STOX2: variants seen among roughly 807,000 people sequenced by gnomAD.
STOX2 encodes storkhead-box protein 2.
A neutral mutation model predicts 60.9 loss-of-function variants in STOX2; 28 were observed. The ratio of observed to expected loss-of-function variants is 0.46; its 90% CI spans 0.34 to 0.63. The LOEUF is 0.63. STOX2 is among the 30% of genes least tolerant of loss of function. The pLI is 0.01. For synonymous variants in STOX2, 472 were observed against 463.9 expected (o/e 1.02, Z -0.22); for missense variants, 1,024 against 1,187.7 (o/e 0.86, Z 2.03).
In STOX2 at chr4:183,946,423, C is replaced by T. The variant is rs186771823; in HGVS notation, c.166+39467C>T. On this transcript the variant is annotated intron_variant, in intron 1 of 3. Coordinates refer to ENST00000308497, the MANE Select transcript of STOX2 (RefSeq NM_020225.3). ...TGTCCATGAGGAGGGGGGGTTGGGC[C>T]TATGACCCCATGGATACCAAAATCT... Among the ~76,000 whole-genome samples, 344 of 152,174 alleles carry T rather than the reference C, an allele frequency of 2.3e-3. 2 individuals carry two copies. Among genetic ancestry groups the T allele is most frequent in the Middle Eastern group, 6.8e-3 (2 of 294 alleles).
At chr4:183,981,276 T>A (rs1277442398) in intron 1 of STOX2, among the ~76,000 whole-genome samples, 21 of 152,166 alleles carry the variant, frequency 1.4e-4, no homozygotes, top group Admixed American at 1.4e-3. Context: ...ATTAGGACAA[T>A]CAGGGTTCTA....
At chr4:183,978,355 G>A (rs79052674) in intron 1 of STOX2, among the ~76,000 whole-genome samples, 1 of 152,108 alleles carries the variant, frequency 6.6e-6, no homozygotes, top group Non-Finnish European at 1.5e-5. Flanking sequence ...ATTGAATAGG[G>A]TGTCCTTTCC....
intron 1 of STOX2, among the ~76,000 whole-genome samples, chr4:183,883,938 G>C (rs542326125): frequency 8.0e-5 from 12 of 150,936 alleles, no homozygotes; most frequent in African/African-American, 2.9e-4. Context: ...TGCAACCTCC[G>C]CCTCCTGGGT....
At chr4:183,928,322 G>A (rs1279814625) in intron 1 of STOX2, among the ~76,000 whole-genome samples, 4 of 152,146 alleles carry the variant, frequency 2.6e-5, no homozygotes. Flanking sequence ...TTTCTGTGCA[G>A]AAGATAATAA....
intron 1 of STOX2, among the ~76,000 whole-genome samples, chr4:183,844,797 T>A (rs935601809): frequency 6.6e-6 from 1 of 152,206 alleles, no homozygotes; most frequent in African/African-American, 2.4e-5. Flanking sequence ...TACAAAAGTG[T>A]ATTGAGCACC....
At chr4:183,973,800 C>T (rs1732314305) in intron 1 of STOX2, among the ~76,000 whole-genome samples, 1 of 152,202 alleles carries the variant, frequency 6.6e-6, no homozygotes, top group Non-Finnish European at 1.5e-5. Flanking sequence ...TCGAGACCAT[C>T]CTGGCTAACA....
Position 183,851,708 on chromosome 4 carries a change from GGAAAGGATGAGA to G in STOX2, c.364+53665_364+53676del, listed in dbSNP as rs1740144158. ...GGGAAAGGATGAGAGAAACGATGAG[GGAAAGGATGAGA>G]GAAAGGATGAGGGAAAGGATGAGGG... On this transcript the variant is annotated intron_variant, in intron 1 of 2. Transcript: ENST00000513034. Among the ~76,000 whole-genome samples the G allele has an allele frequency of 2.5e-4, 29 of 117,706 alleles. 1 individual carries two copies. Among genetic ancestry groups the G allele is most frequent in the African/African-American group, 7.3e-4 (20 of 27,450 alleles). The allele number at this position is 117,706 out of a possible 152,430, so 77.2% of individuals were successfully genotyped here.
At position 184,011,785 on chromosome 4, in the gene STOX2, A is replaced by G. The variant is rs757281295; in HGVS notation, c.2585+362A>G. 4.6e-6 allele frequency: 2 copies of G among 432,678 alleles called. No individual in the cohort carries two copies. Among genetic ancestry groups the G allele is most frequent in the Non-Finnish European group, 7.9e-6 (2 of 253,900 alleles). The allele number at this position is 432,678 out of a possible 1,614,324, so 26.8% of individuals were successfully genotyped here. On this transcript the variant is annotated intron_variant, in intron 3 of 3. Coordinates refer to ENST00000308497, the MANE Select transcript of STOX2 (RefSeq NM_020225.3). This position sits in a 1 kb window ranked among gnomAD's most constrained non-coding sequence, Gnocchi z 4.4. ...CAAAAATAGTAACTTTTTGAGTAGA[A>G]TAAATAGTCTGGGGGCGGGGGAGGA...
intron 1 of STOX2, among the ~76,000 whole-genome samples, chr4:183,986,705 C>G (rs1732857018): frequency 6.6e-6 from 1 of 152,166 alleles, no homozygotes; most frequent in African/African-American, 2.4e-5. Flanking sequence ...TGTAGCCTCC[C>G]GAGGACAGAA....
chr4:184,009,610 G>A lies in STOX2; in HGVS notation c.772G>A (p.Asp258Asn), dbSNP rs1560940254. The A allele has an allele frequency of 6.2e-7, 1 of 1,613,938 alleles. No individual in the cohort carries two copies. Among genetic ancestry groups the A allele is most frequent in the Admixed American group, 1.7e-5 (1 of 60,016 alleles). The change falls in exon 3 of 4, where the codon GAT (aspartate) becomes AAT (asparagine). Residue 258 changes from aspartate to asparagine, a missense_variant. Around this residue, in one of 3 missense-constraint regions of STOX2, gnomAD observed 922 missense variants for 1,058.3 expected, o/e 0.87. Coordinates refer to ENST00000308497, the MANE Select transcript of STOX2 (RefSeq NM_020225.3). The surrounding 1 kb of genome is among the most constrained non-coding windows in gnomAD (Gnocchi z 4.0). Reference protein sequence around the residue: ...YKTETLSKPKDSEKQSKKFGL... With the variant: ...YKTETLSKPKNSEKQSKKFGL... ...GACAGAAACTCTCTCAAAACCTAAA[G>A]ATAGTGAAAAGCAGTCAAAAAAATT... is the stretch of plus-strand genomic sequence containing the variant.
chr4:183,966,410 C>G (rs999703892), intron 1 of STOX2, among the ~76,000 whole-genome samples: 1 of 152,220 alleles, frequency 6.6e-6, no homozygotes, highest in African/African-American at 2.4e-5. Flanking sequence ...CTGTTTGGAA[C>G]CAAAAAGCCA....
At chr4:183,813,642 G>C (rs1739089264) in intron 1 of STOX2, among the ~76,000 whole-genome samples, 2 of 152,158 alleles carry the variant, frequency 1.3e-5, no homozygotes, top group South Asian at 4.1e-4. Flanking sequence ...TTTCCCATTA[G>C]ATTGTAATTC....
intron 1 of STOX2, among the ~76,000 whole-genome samples, chr4:183,842,786 T>C (rs1739892829): frequency 6.6e-6 from 1 of 152,200 alleles, no homozygotes; most frequent in Admixed American, 6.5e-5. Flanking sequence ...TGCTTGACAC[T>C]GCAGTCATCT....
chr4:183,817,846 C>A (rs1348141295), intron 1 of STOX2, among the ~76,000 whole-genome samples: 1 of 152,132 alleles, frequency 6.6e-6, no homozygotes, highest in African/African-American at 2.4e-5. Context: ...CTTTACAGAT[C>A]ACTGTGGTTA....
chr4:183,877,193 T>G (rs573929914), intron 1 of STOX2, among the ~76,000 whole-genome samples: 2 of 152,364 alleles, frequency 1.3e-5, no homozygotes, highest in South Asian at 4.1e-4. Flanking sequence ...TAGCTCTAAG[T>G]TCTGTGAGTC....
At chr4:183,968,482 TA>T (rs1170505664) in intron 1 of STOX2, among the ~76,000 whole-genome samples, 1 of 152,120 alleles carries the variant, frequency 6.6e-6, no homozygotes, top group Non-Finnish European at 1.5e-5. Flanking sequence ...TGTGGACTGT[TA>T]AAATAATTGT....
upstream of STOX2, among the ~76,000 whole-genome samples, chr4:183,904,824 G>C (rs1167068153): frequency 6.6e-6 from 1 of 152,228 alleles, no homozygotes; most frequent in Non-Finnish European, 1.5e-5. Flanking sequence ...GAATAGCACA[G>C]ATTGTGTTAG....
chr4:183,894,414 A>T (rs1210602471), intron 1 of STOX2, among the ~76,000 whole-genome samples: 1 of 152,208 alleles, frequency 6.6e-6, no homozygotes, highest in African/African-American at 2.4e-5. Context: ...ATTAAATAAT[A>T]GCATCTCTGT....
intron 1 of STOX2, among the ~76,000 whole-genome samples, chr4:183,891,197 C>T (rs899140019): frequency 6.6e-6 from 1 of 151,222 alleles, no homozygotes; most frequent in Non-Finnish European, 1.5e-5. Flanking sequence ...TGTGTGCTCA[C>T]AGTTTGCAAT....
Sources: allele counts gnomAD v4.1 joint callset (sites outside exome capture counted in the v4.1 genomes callset), GRCh38; gene constraint gnomAD v4.1.1; regional missense constraint gnomAD v4.1.1; non-coding constraint Gnocchi (gnomAD v3.1); transcripts MANE v1.5; gene names NCBI Gene and HGNC (gene_info 2026-07-23, HGNC 2026-07-21).